Variants in PARM1 observed in about 807,000 individuals in gnomAD.
PARM1 encodes the protein prostate androgen-regulated mucin-like protein 1.
Under a neutral mutation model 24.6 loss-of-function variants are expected in PARM1, and 14 were observed. The ratio of observed to expected loss-of-function variants is 0.57; its 90% CI spans 0.38 to 0.89. The LOEUF (loss-of-function observed/expected upper bound fraction) is 0.89, where lower values mean the gene tolerates loss of function less well. PARM1 is among the 40% of genes least tolerant of loss of function. PARM1 has a pLI of 0.00. For synonymous variants in PARM1, 179 were observed against 156.6 expected (o/e 1.14, Z -1.07); for missense variants, 362 against 380.4 (o/e 0.95, Z 0.40).
At chr4:74,983,333 G>A (rs551523240) in intron 1 of PARM1, among the ~76,000 whole-genome samples, 1 of 152,278 alleles carries the variant, frequency 6.6e-6, no homozygotes, top group East Asian at 1.9e-4. Flanking sequence ...TTTTGAGGGG[G>A]AGATCTTTTA....
At chr4:75,008,285 T>TCAGTAGA (rs1298412707) in intron 1 of PARM1, among the ~76,000 whole-genome samples, 1 of 152,202 alleles carries the variant, frequency 6.6e-6, no homozygotes, top group African/African-American at 2.4e-5. Context: ...AAATAAGTAC[T>TCAGTAGA]CAGTAGATAG....
chr4:74,943,722 C>G (rs548143596), intron 1 of PARM1, among the ~76,000 whole-genome samples: 27 of 152,148 alleles, frequency 1.8e-4, no homozygotes, highest in Non-Finnish European at 3.7e-4. Context: ...GATAAAGATA[C>G]CTTCACCATT....
intron 1 of PARM1, among the ~76,000 whole-genome samples, chr4:74,968,562 T>C (rs1482569326): frequency 1.3e-5 from 2 of 152,164 alleles, no homozygotes; most frequent in Non-Finnish European, 2.9e-5. Flanking sequence ...GGAAAATAAT[T>C]CTGGAACTTA....
At chr4:75,011,808 T>G (rs537911816) in intron 1 of PARM1, among the ~76,000 whole-genome samples, 1 of 152,296 alleles carries the variant, frequency 6.6e-6, no homozygotes, top group Middle Eastern at 3.4e-3. Context: ...GACCTCTCCC[T>G]TTTTCTTTCT....
chr4:75,046,424 C>G lies in PARM1; in HGVS notation c.*177C>G, dbSNP rs1723604938. ...CTGCTACAACTTCCCCTTTCTGGTA[C>G]AAGAAGAACCATTCTTTAAAGGTGA... On this transcript the variant is annotated 3_prime_UTR_variant, in exon 4 of 4. Coordinates refer to ENST00000307428, the MANE Select transcript of PARM1 (RefSeq NM_015393.4). 1.9e-6 allele frequency: 1 copy of G among 520,384 alleles called. No homozygotes were observed. The highest frequency in any genetic ancestry group is 3.2e-5 in the Admixed American group (1 of 31,158). 32.2% of individuals were successfully genotyped at this position (520,384 alleles called of 1,614,324 possible).
chr4:75,009,722 T>C (rs1462834876), intron 1 of PARM1, among the ~76,000 whole-genome samples: 1 of 152,168 alleles, frequency 6.6e-6, no homozygotes, highest in South Asian at 2.1e-4. Context: ...GGTTAATTCA[T>C]TTTTCTACTC....
chr4:75,026,814 A>G (rs979293854), intron 2 of PARM1, among the ~76,000 whole-genome samples: 4 of 152,150 alleles, frequency 2.6e-5, no homozygotes, highest in African/African-American at 4.8e-5. Context: ...AAAGATCTCA[A>G]CAGCCCCCTT....
At chr4:74,975,227 C>G (rs892484528) in intron 1 of PARM1, among the ~76,000 whole-genome samples, 2 of 152,096 alleles carry the variant, frequency 1.3e-5, no homozygotes, top group African/African-American at 2.4e-5. Context: ...TTTAAAAAAC[C>G]AAGCATCTTT....
At chr4:74,938,382 A>G (rs74592505) in intron 1 of PARM1, among the ~76,000 whole-genome samples, 1,778 of 152,344 alleles carry the variant, frequency 0.012, 36 homozygotes, top group African/African-American at 0.041. Flanking sequence ...GTTTGCTTCC[A>G]TTTGGAAGTA....
At position 74,982,878 on chromosome 4, in the gene PARM1, G is replaced by T. The variant is rs190585221; in HGVS notation, c.44-29547G>T. Among the ~76,000 whole-genome samples, 506 of 152,240 alleles carry T rather than the reference G, an allele frequency of 3.3e-3. 6 individuals carry two copies. Among genetic ancestry groups the T allele is most frequent in the African/African-American group, 0.011 (471 of 41,546 alleles). ...TCATTATCACTCCTTCAGTCAATCA[G>T]CTCACTATTCAGAGGACAGCTCTCT... On this transcript the variant is annotated intron_variant, in intron 1 of 3. Coordinates refer to ENST00000307428, the MANE Select transcript of PARM1 (RefSeq NM_015393.4).
chr4:74,945,081 C>T (rs1449171581), intron 1 of PARM1, among the ~76,000 whole-genome samples: 2 of 152,092 alleles, frequency 1.3e-5, no homozygotes, highest in African/African-American at 4.8e-5. Flanking sequence ...TGAAATGGTC[C>T]ATGATGTACT....
intron 1 of PARM1, among the ~76,000 whole-genome samples, chr4:74,981,794 G>A (rs1198637621): frequency 6.7e-6 from 1 of 149,378 alleles, no homozygotes; most frequent in Non-Finnish European, 1.5e-5. Flanking sequence ...AGAATCGCTT[G>A]AACCTGGGCA....
At chr4:75,026,259 A>G (rs1723181528) in intron 2 of PARM1, among the ~76,000 whole-genome samples, 1 of 144,860 alleles carries the variant, frequency 6.9e-6, no homozygotes. Flanking sequence ...GGCCTAGACA[A>G]ATAATAAAGT....
At chr4:74,941,126 A>G (rs1721300203) in intron 1 of PARM1, among the ~76,000 whole-genome samples, 2 of 152,210 alleles carry the variant, frequency 1.3e-5, no homozygotes, top group Non-Finnish European at 2.9e-5. Flanking sequence ...CAACATCAAG[A>G]CATATACTTT....
intron 1 of PARM1, among the ~76,000 whole-genome samples, chr4:74,935,132 C>A (rs1721154072): frequency 6.6e-6 from 1 of 152,102 alleles, no homozygotes; most frequent in South Asian, 2.1e-4. Flanking sequence ...CACTCCTACC[C>A]CCACGCACTA....
chr4:74,996,162 G>T (rs1722572992), intron 1 of PARM1, among the ~76,000 whole-genome samples: 1 of 152,068 alleles, frequency 6.6e-6, no homozygotes, highest in Admixed American at 6.6e-5. Flanking sequence ...CACATCTGTT[G>T]TAGGCCTGCC....
At position 75,046,404 on chromosome 4, in the gene PARM1, A is replaced by G. The variant is rs1723604154; in HGVS notation, c.*157A>G. On this transcript the variant is annotated 3_prime_UTR_variant, in exon 4 of 4. Coordinates refer to ENST00000307428, the MANE Select transcript of PARM1 (RefSeq NM_015393.4). ...TTTTCCTCCCTCTCCTCTGGCTGCT[A>G]CAACTTCCCCTTTCTGGTACAAGAA... The G allele has an allele frequency of 1.8e-6, 1 of 552,102 alleles. No homozygotes were observed. Among genetic ancestry groups the G allele is most frequent in the South Asian group, 2.0e-5 (1 of 49,182 alleles). 34.2% of individuals were successfully genotyped at this position (552,102 alleles called of 1,614,324 possible).
intron 3 of PARM1, among the ~76,000 whole-genome samples, chr4:75,042,074 A>G (rs1723499342): frequency 6.6e-6 from 1 of 152,176 alleles, no homozygotes; most frequent in South Asian, 2.1e-4. Flanking sequence ...TTTTCCAATT[A>G]TACTATACAA....
chr4:74,964,577 A>ACACACACACACACACT (rs377411929), intron 1 of PARM1, among the ~76,000 whole-genome samples: 1,955 of 152,010 alleles, frequency 0.013, 49 homozygotes, highest in African/African-American at 0.044. Flanking sequence ...ACACACACAC[A>ACACACACACACACACT]CATTGCATCC....
Sources: allele counts gnomAD v4.1 joint callset (sites outside exome capture counted in the v4.1 genomes callset), GRCh38; gene constraint gnomAD v4.1.1; transcripts MANE v1.5; gene names NCBI Gene and HGNC (gene_info 2026-07-23, HGNC 2026-07-21).